The following CYP7B1 variants were observed in gnomAD, a reference collection of about 807,000 sequenced individuals.
The protein encoded by CYP7B1 is cytochrome P450 7B1.
CYP7B1 carries 29 observed loss-of-function variants against 42.7 expected under a neutral mutation model. The observed-to-expected ratio is 0.68, with a 90% CI of 0.51 to 0.93. The LOEUF is 0.93. Among genes scored for constraint, CYP7B1 ranks in the 40% least tolerant of loss-of-function variants. CYP7B1 has a pLI of 0.00. For synonymous variants in CYP7B1, 235 were observed against 218.2 expected (o/e 1.08, Z -0.68); for missense variants, 655 against 600.5 (o/e 1.09, Z -0.95).
chr8:64,691,489 G>GGC lies in CYP7B1; in HGVS notation c.123-66951_123-66950insGC, dbSNP rs1057339496. Among the ~76,000 whole-genome samples the GGC allele has an allele frequency of 8.5e-4, 123 of 145,212 alleles. 8 individuals are homozygous for GGC. The highest frequency in any genetic ancestry group is 1.5e-3 in the Non-Finnish European group (99 of 67,190). ...TATGGTTGCGATGGCAACTGGGGGG[G>GGC]GGGGGTGGTGGTTAAAGCTGGAATG... On this transcript the variant is annotated intron_variant, in intron 1 of 5. Transcript: ENST00000310193.
intron 1 of CYP7B1, among the ~76,000 whole-genome samples, chr8:64,667,464 G>C (rs1806298680): frequency 6.6e-6 from 1 of 152,242 alleles, no homozygotes. Context: ...ATTTCCTAAT[G>C]CTCCCTGGAA....
At chr8:64,648,832 T>C (rs1585831155) in intron 1 of CYP7B1, among the ~76,000 whole-genome samples, 1 of 152,316 alleles carries the variant, frequency 6.6e-6, no homozygotes. Flanking sequence ...TAATTCTCCA[T>C]AATCTAAAAT....
intron 1 of CYP7B1, among the ~76,000 whole-genome samples, chr8:64,752,251 A>C (rs757964336): frequency 1.3e-5 from 2 of 152,154 alleles, no homozygotes; most frequent in Non-Finnish European, 1.5e-5. Flanking sequence ...CTAGATCATG[A>C]GTGATACACA....
chr8:64,745,348 G>A (rs1807628466), intron 1 of CYP7B1, among the ~76,000 whole-genome samples: 1 of 152,130 alleles, frequency 6.6e-6, no homozygotes, highest in Non-Finnish European at 1.5e-5. Flanking sequence ...TTTAAACAGT[G>A]TATGAATAAT....
chr8:64,749,845 A>G (rs190993264), intron 1 of CYP7B1, among the ~76,000 whole-genome samples: 8 of 152,304 alleles, frequency 5.3e-5, no homozygotes, highest in Non-Finnish European at 1.0e-4. Flanking sequence ...GAGAAGAGAA[A>G]GGAAGCTCAA....
In CYP7B1 at chr8:64,691,822, A is replaced by G. The variant is rs150921194; in HGVS notation, c.123-67283T>C. 5.3e-4 allele frequency among the ~76,000 whole-genome samples: 80 copies of G among 152,264 alleles called. No homozygotes were observed. The Middle Eastern group carries it at 0.014, about 26-fold the overall frequency. ...CACAGTAGGGGGCAGAGCCAGAGCA[A>G]GCCTCCTGCCTCCTAGTTCTTAGGT... is the stretch of plus-strand genomic sequence containing the variant. On this transcript the variant is annotated intron_variant, in intron 1 of 5. Coordinates refer to ENST00000310193, the MANE Select transcript of CYP7B1 (RefSeq NM_004820.5).
intron 1 of CYP7B1, among the ~76,000 whole-genome samples, chr8:64,733,237 A>G (rs963261828): frequency 1.3e-5 from 2 of 152,176 alleles, no homozygotes; most frequent in African/African-American, 4.8e-5. Flanking sequence ...GTGAAATCTG[A>G]CCACTTTAAG....
chr8:64,690,877 A>T (rs1193409592), intron 1 of CYP7B1, among the ~76,000 whole-genome samples: 1 of 152,220 alleles, frequency 6.6e-6, no homozygotes, highest in African/African-American at 2.4e-5. Flanking sequence ...GCACATAAGC[A>T]ATCAGTTTTA....
Position 64,762,571 on chromosome 8 carries a change from T to C in CYP7B1, c.122+35895A>G, listed in dbSNP as rs558400322. On this transcript the variant is annotated intron_variant, in intron 1 of 5. Coordinates refer to ENST00000310193, the MANE Select transcript of CYP7B1 (RefSeq NM_004820.5). ...AGTTTTCATAATGCATTTGAAAACGTGGTTTCATAATGCAATGACCTGGGG... is the reference window on the plus strand; with the variant it reads ...AGTTTTCATAATGCATTTGAAAACGCGGTTTCATAATGCAATGACCTGGGG... 2.5e-4 allele frequency among the ~76,000 whole-genome samples: 38 copies of C among 152,354 alleles called. 2 individuals carry two copies. The highest frequency in any genetic ancestry group is 9.1e-4 in the African/African-American group (38 of 41,580).
At chr8:64,697,391 GC>G (rs11398865) in intron 1 of CYP7B1, among the ~76,000 whole-genome samples, 3 of 151,948 alleles carry the variant, frequency 2.0e-5, no homozygotes, top group Non-Finnish European at 2.9e-5. Context: ...AAATGTGTAA[GC>G]CCCCCTCCCG....
At chr8:64,604,106 A>C (rs1805240587) in intron 5 of CYP7B1, among the ~76,000 whole-genome samples, 1 of 152,176 alleles carries the variant, frequency 6.6e-6, no homozygotes, top group Admixed American at 6.5e-5. Context: ...AGAAAAAAAC[A>C]CAGGGAGATG....
Position 64,593,858 on chromosome 8 carries a change from T to A in CYP7B1, c.*2784A>T, listed in dbSNP as rs1805075997. On this transcript the variant is annotated 3_prime_UTR_variant, in exon 6 of 6. Transcript: ENST00000310193. ...GAGTTTATAATAAAGGTACAAGATA[T>A]TATAAAAAATAAGCAGCATATATGA... Among the ~76,000 whole-genome samples, 1 of 152,098 alleles carries A rather than the reference T, an allele frequency of 6.6e-6. No individual in the cohort carries two copies. Among genetic ancestry groups the A allele is most frequent in the Admixed American group, 6.5e-5 (1 of 15,282 alleles).
At chr8:64,673,654 T>G (rs1293354304) in intron 1 of CYP7B1, among the ~76,000 whole-genome samples, 1 of 152,124 alleles carries the variant, frequency 6.6e-6, no homozygotes, top group East Asian at 1.9e-4. Flanking sequence ...CATGATTCTA[T>G]TAATTGTTTG....
At chr8:64,659,844 T>C (rs766833391) in intron 1 of CYP7B1, among the ~76,000 whole-genome samples, 1 of 152,134 alleles carries the variant, frequency 6.6e-6, no homozygotes, top group Non-Finnish European at 1.5e-5. Flanking sequence ...CAACAAAAAA[T>C]ACCCATCTTG....
intron 1 of CYP7B1, among the ~76,000 whole-genome samples, chr8:64,706,632 A>G (rs946840663): frequency 6.6e-6 from 1 of 152,028 alleles, no homozygotes; most frequent in Non-Finnish European, 1.5e-5. Flanking sequence ...ATTGGATTTA[A>G]TTAGGTCCAT....
chr8:64,738,190 ACT>A (rs1425615352), intron 1 of CYP7B1, among the ~76,000 whole-genome samples: 1 of 152,228 alleles, frequency 6.6e-6, no homozygotes, highest in Non-Finnish European at 1.5e-5. Flanking sequence ...TACTTTTCTA[ACT>A]CTGGAGTAAT....
intron 1 of CYP7B1, among the ~76,000 whole-genome samples, chr8:64,658,122 C>T (rs970444770): frequency 1.3e-5 from 2 of 152,098 alleles, no homozygotes; most frequent in Admixed American, 6.6e-5. Flanking sequence ...GACCTAGTCA[C>T]CTCTCAAAGA....
intron 1 of CYP7B1, among the ~76,000 whole-genome samples, chr8:64,797,753 G>T (rs1167514990): frequency 6.6e-6 from 1 of 152,178 alleles, no homozygotes. Context: ...CACCAGAGCA[G>T]TATGAAAATA....
intron 1 of CYP7B1, among the ~76,000 whole-genome samples, chr8:64,786,424 G>A (rs1166205607): frequency 6.6e-6 from 1 of 152,178 alleles, no homozygotes. Context: ...AAGGAGCTAT[G>A]GGCCCCATGC....
Sources: gnomAD v4.1 joint callset for allele counts (sites outside exome capture counted in the v4.1 genomes callset) on GRCh38, gnomAD v4.1.1 for gene constraint, MANE v1.5 for transcripts, NCBI Gene and HGNC (gene_info 2026-07-23, HGNC 2026-07-21) for gene names.